The following DEFB112 variants were observed in gnomAD, a reference collection of about 807,000 sequenced individuals.
DEFB112 encodes the protein beta-defensin 112.
A neutral mutation model predicts 1.1 loss-of-function variants in DEFB112; 2 were observed. The ratio of observed to expected loss-of-function variants is 1.85; its 90% CI spans 0.76 to 5.83. The LOEUF (loss-of-function observed/expected upper bound fraction) is 5.83, where lower values mean the gene tolerates loss of function less well. DEFB112 is among the 30% of genes most tolerant of loss of function. The probability of loss-of-function intolerance (pLI) is 0.05; values close to 1 mark genes in which losing one functional copy is unlikely to be tolerated. For missense variants in DEFB112, 120 were observed against 94.4 expected (o/e 1.27, Z -1.12); for synonymous variants, 40 against 31.2 (o/e 1.28, Z -0.93).
rs1187720244 is a variant in DEFB112, at chr6:50,049,818, G to C, written c.52C>G (p.Pro18Ala). Residue 18 changes from proline (P) to alanine (A), a missense_variant, in exon 1 of 2, where the codon CCA becomes GCA. Physicochemically the swap from Pro to Ala is conservative, Grantham distance 27. Transcript: ENST00000651554. ...CILLFFGVLI[P>A]PARSEGHHIT... ...GCAATAATATTCATATTACCTGGTG[G>C]AATAAGGACTCCAAAGAAAAGCAAA... Among the ~76,000 whole-genome samples the C allele has an allele frequency of 2.6e-5, 4 of 151,904 alleles. No individual in the cohort carries two copies. Among genetic ancestry groups the C allele is most frequent in the African/African-American group, 7.3e-5 (3 of 41,354 alleles).
chr6:50,048,847 C>G (rs577158579), intron 1 of DEFB112, among the ~76,000 whole-genome samples: 1 of 152,108 alleles, frequency 6.6e-6, no homozygotes, highest in African/African-American at 2.4e-5. Context: ...GAATAAATGA[C>G]TTGGCTATTA....
At chr6:50,048,407 G>T in intron 1 of DEFB112, 1 of 775,302 alleles carries the variant, frequency 1.3e-6, no homozygotes, top group Non-Finnish European at 2.1e-6. Flanking sequence ...ATAAAGCTAT[G>T]AGGTGAAAGA....
chr6:50,047,337 G>A (rs916926926), intron 1 of DEFB112, among the ~76,000 whole-genome samples: 1 of 152,170 alleles, frequency 6.6e-6, no homozygotes, highest in Non-Finnish European at 1.5e-5. Context: ...ACTTAGAAAG[G>A]GCATCCAGTG....
At chr6:50,048,453 A>C in intron 1 of DEFB112, 1 of 1,149,730 alleles carries the variant, frequency 8.7e-7, no homozygotes, top group African/African-American at 1.5e-5. Context: ...TGAGGTAGAG[A>C]ATATACTCAG....
In DEFB112 at chr6:50,042,545, G is replaced by A. The variant is rs1364562806; in HGVS notation, c.*1030C>T. On this transcript the variant is annotated 3_prime_UTR_variant, in exon 2 of 2. Coordinates refer to ENST00000651554, the MANE Select transcript of DEFB112 (RefSeq NM_001369057.2). Reference sequence around the variant, plus strand: ...AGTCACATAATAACCAAGGCTGCCAGCCAAGGACAAAGCCTAGAGGACATT... The same window carrying A: ...AGTCACATAATAACCAAGGCTGCCAACCAAGGACAAAGCCTAGAGGACATT... Among the ~76,000 whole-genome samples, 1 of 152,058 alleles carries A rather than the reference G, an allele frequency of 6.6e-6. No individual in the cohort carries two copies. The highest frequency in any genetic ancestry group is 1.5e-5 in the Non-Finnish European group (1 of 67,944).
chr6:50,045,640 G>T (rs1774819255), intron 1 of DEFB112, among the ~76,000 whole-genome samples: 1 of 152,094 alleles, frequency 6.6e-6, no homozygotes, highest in Admixed American at 6.5e-5. Flanking sequence ...GTGCCATTAG[G>T]TGATTCTGTC....
Position 50,043,032 on chromosome 6 carries a change from T to G in DEFB112, c.*543A>C, listed in dbSNP as rs116447551. On this transcript the variant is annotated 3_prime_UTR_variant, in exon 2 of 2. Transcript: ENST00000651554. ...CCTTCCTCAACCTAGTCTCCCTCTA[T>G]TCTACCTTTTGAGATTATTCTTGGA... Among the ~76,000 whole-genome samples, 835 of 152,166 alleles carry G rather than the reference T, an allele frequency of 5.5e-3. 10 individuals carry two copies. The highest frequency in any genetic ancestry group is 0.019 in the African/African-American group (779 of 41,544).
chr6:50,043,673 A>T lies in DEFB112; in HGVS notation c.187T>A (p.Cys63Ser), dbSNP rs766893623. 1.2e-6 allele frequency: 2 copies of T among 1,613,592 alleles called. No homozygotes were observed. Among genetic ancestry groups the T allele is most frequent in the Non-Finnish European group, 1.7e-6 (2 of 1,179,612 alleles). The change falls in exon 2 of 2, where the codon TGC (cysteine) becomes AGC (serine). Residue 63 changes from cysteine to serine, a missense_variant. By Grantham distance (112) the Cys-to-Ser change is moderately radical. Coordinates refer to ENST00000651554, the MANE Select transcript of DEFB112 (RefSeq NM_001369057.2). Reference sequence around the variant, plus strand: ...GTAGGGTCACATTCTGTCACGCAGCAATGAGTTGTAGGTCTTGCACAGTAT... The same window carrying T: ...GTAGGGTCACATTCTGTCACGCAGCTATGAGTTGTAGGTCTTGCACAGTAT... ...ISYCARPTTH[C>S]CVTECDPTDP... is the part of the protein sequence containing the mutation.
At position 50,043,569 on chromosome 6, in the gene DEFB112, A is replaced by AGG; in HGVS notation, c.*5_*6insCC. 1 of 1,608,484 alleles carries AGG rather than the reference A, an allele frequency of 6.2e-7. No homozygotes were observed. Among genetic ancestry groups the AGG allele is most frequent in the Non-Finnish European group, 8.5e-7 (1 of 1,175,950 alleles). The stretch of plus-strand genomic sequence containing the variant: ...AGATGTATCATCTTCTTGTGCATGG[A>AGG]TTTCTTCAATGACGTGAGTCTTTAG... On this transcript the variant is annotated 3_prime_UTR_variant, in exon 2 of 2. Coordinates refer to ENST00000651554, the MANE Select transcript of DEFB112 (RefSeq NM_001369057.2).
At chr6:50,049,392 T>G (rs186342341) in intron 1 of DEFB112, among the ~76,000 whole-genome samples, 64 of 152,268 alleles carry the variant, frequency 4.2e-4, no homozygotes, top group African/African-American at 1.5e-3. Context: ...ACATTTTATC[T>G]GATTAACCTC....
intron 1 of DEFB112, chr6:50,048,628 A>C: frequency 6.2e-7 from 1 of 1,613,134 alleles, no homozygotes; most frequent in Non-Finnish European, 8.5e-7. Flanking sequence ...GTTTCAGTCT[A>C]CATATGGTTG....
chr6:50,043,682 T>C lies in DEFB112; in HGVS notation c.178A>G (p.Thr60Ala). The C allele has an allele frequency of 6.2e-7, 1 of 1,613,644 alleles. No individual in the cohort carries two copies. Among genetic ancestry groups the C allele is most frequent in the Non-Finnish European group, 8.5e-7 (1 of 1,179,632 alleles). ...EFRISYCARP[T>A]THCCVTECDP... ...CATTCTGTCACGCAGCAATGAGTTG[T>C]AGGTCTTGCACAGTATGAAATCCTA... Residue 60 changes from threonine to alanine, a missense_variant, in exon 2 of 2, where the codon ACA becomes GCA. Thr to Ala is a moderately conservative substitution (Grantham distance 58). Transcript: ENST00000651554.
chr6:50,043,632 C>G lies in DEFB112; in HGVS notation c.228G>C (p.Trp76Cys). ...GAGTCCCTACTGAGTCCTTTGGGAT[C>G]CAATTATTTGGGTCCGTAGGGTCAC... ...TECDPTDPNN[W>C]IPKDSVGTQE... Residue 76 changes from tryptophan (W) to cysteine (C), a missense_variant, in exon 2 of 2, where the codon TGG becomes TGC. Coordinates refer to ENST00000651554, the MANE Select transcript of DEFB112 (RefSeq NM_001369057.2). The G allele has an allele frequency of 6.2e-7, 1 of 1,613,398 alleles. No individual in the cohort carries two copies. Among genetic ancestry groups the G allele is most frequent in the Non-Finnish European group, 8.5e-7 (1 of 1,179,576 alleles).
At chr6:50,048,020 G>T (rs577883315) in intron 1 of DEFB112, among the ~76,000 whole-genome samples, 12 of 151,802 alleles carry the variant, frequency 7.9e-5, no homozygotes, top group Non-Finnish European at 1.6e-4. Flanking sequence ...GGTGGTGGGA[G>T]CCTGTAATCC....
At position 50,049,822 on chromosome 6, in the gene DEFB112, A is replaced by G. The variant is rs1056503690; in HGVS notation, c.48T>C (p.Leu16=). ...TAATATTCATATTACCTGGTGGAAT[A>G]AGGACTCCAAAGAAAAGCAAAATAC... ...FFCILLFFGV[L]IPPARSEGHH... Residue 16 remains leucine (L), a synonymous_variant, in exon 1 of 2, where the codon CTT becomes CTC. Coordinates refer to ENST00000651554, the MANE Select transcript of DEFB112 (RefSeq NM_001369057.2). Among the ~76,000 whole-genome samples, 3 of 152,096 alleles carry G rather than the reference A, an allele frequency of 2.0e-5. No homozygotes were observed. Among genetic ancestry groups the G allele is most frequent in the Non-Finnish European group, 4.4e-5 (3 of 67,982 alleles).
At chr6:50,046,401 T>A (rs1355020456) in intron 1 of DEFB112, among the ~76,000 whole-genome samples, 1 of 152,188 alleles carries the variant, frequency 6.6e-6, no homozygotes. Flanking sequence ...AAACTTTATA[T>A]GATCATATAG....
chr6:50,043,640 T>G lies in DEFB112; in HGVS notation c.220A>C (p.Asn74His), dbSNP rs1774783423. Residue 74 changes from asparagine (N) to histidine (H), a missense_variant, in exon 2 of 2, where the codon AAT (asparagine) becomes CAT (histidine). Coordinates refer to ENST00000651554, the MANE Select transcript of DEFB112 (RefSeq NM_001369057.2). ...ACTGAGTCCTTTGGGATCCAATTAT[T>G]TGGGTCCGTAGGGTCACATTCTGTC... ...CVTECDPTDP[N>H]NWIPKDSVGT... 1 of 1,613,418 alleles carries G rather than the reference T, an allele frequency of 6.2e-7. No homozygotes were observed. The highest frequency in any genetic ancestry group is 1.7e-5 in the Admixed American group (1 of 59,952).
At chr6:50,044,617 C>T (rs555450029) in intron 1 of DEFB112, among the ~76,000 whole-genome samples, 1 of 152,178 alleles carries the variant, frequency 6.6e-6, no homozygotes, top group East Asian at 1.9e-4. Flanking sequence ...TTCATTTATT[C>T]TCTGTATCTC....
intron 1 of DEFB112, among the ~76,000 whole-genome samples, chr6:50,048,957 C>T (rs1562000550): frequency 6.6e-6 from 1 of 151,958 alleles, no homozygotes; most frequent in Non-Finnish European, 1.5e-5. Context: ...TGAAGAAAAC[C>T]TATCAGTGTT....
Sources: allele counts gnomAD v4.1 joint callset (sites outside exome capture counted in the v4.1 genomes callset), GRCh38; gene constraint gnomAD v4.1.1; transcripts MANE v1.5; gene names NCBI Gene and HGNC (gene_info 2026-07-23, HGNC 2026-07-21).